FGF7: variants seen among roughly 807,000 people sequenced by gnomAD.
The protein encoded by FGF7 is FGF-7.
A neutral mutation model predicts 20.5 loss-of-function variants in FGF7; 6 were observed. The ratio of observed to expected loss-of-function variants is 0.29; its 90% CI spans 0.16 to 0.58. The LOEUF is 0.58. Among genes scored for constraint, FGF7 ranks in the 20% least tolerant of loss-of-function variants. The pLI, the probability that FGF7 is intolerant of heterozygous loss-of-function variation, is 0.90. For synonymous variants in FGF7, 64 were observed against 74.7 expected (o/e 0.86, Z 0.74); for missense variants, 144 against 228.8 (o/e 0.63, Z 2.39).
intron 2 of FGF7, among the ~76,000 whole-genome samples, chr15:49,471,972 G>C (rs1338037965): frequency 6.6e-6 from 1 of 151,590 alleles, no homozygotes; most frequent in Non-Finnish European, 1.5e-5. Context: ...GACAGCACAG[G>C]TGTTGTTTTC....
chr15:49,431,045 C>G (rs986885835), intron 2 of FGF7, among the ~76,000 whole-genome samples: 8 of 151,828 alleles, frequency 5.3e-5, no homozygotes, highest in African/African-American at 1.9e-4. Flanking sequence ...AGCACAATAA[C>G]TTCTCTAACA....
At position 49,424,314 on chromosome 15, in the gene FGF7, T is replaced by C. The variant is rs1270145021; in HGVS notation, c.17T>C (p.Leu6Pro). 2 of 1,613,472 alleles carry C rather than the reference T, an allele frequency of 1.2e-6. No homozygotes were observed. The highest frequency in any genetic ancestry group is 1.7e-4 in the Middle Eastern group (1 of 6,056). Residue 6 changes from leucine to proline, a missense_variant, in exon 2 of 4, where the codon CTG (leucine) becomes CCG (proline). By Grantham distance (98) the Leu-to-Pro change is moderately conservative (BLOSUM62 -3). Coordinates refer to ENST00000267843, the MANE Select transcript of FGF7 (RefSeq NM_002009.4). ...TACACTATAATGCACAAATGGATAC[T>C]GACATGGATCCTGCCAACTTTGCTC... Reference protein sequence around the residue: MHKWILTWILPTLLYR... With the variant: MHKWIPTWILPTLLYR...
chr15:49,482,768 G>C (rs1435474850), intron 2 of FGF7, among the ~76,000 whole-genome samples: 3 of 151,988 alleles, frequency 2.0e-5, no homozygotes, highest in Non-Finnish European at 4.4e-5. Context: ...CTGTGGTTAT[G>C]AGTAAATGAG....
intron 2 of FGF7, among the ~76,000 whole-genome samples, chr15:49,475,596 T>C (rs1259305414): frequency 7.1e-6 from 1 of 140,298 alleles, no homozygotes. Context: ...CTAACTTTAT[T>C]ATTTATTAAA....
At chr15:49,427,466 A>C (rs1292505588) in intron 2 of FGF7, among the ~76,000 whole-genome samples, 4 of 152,014 alleles carry the variant, frequency 2.6e-5, no homozygotes, top group Non-Finnish European at 5.9e-5. Flanking sequence ...TGATGCCTTA[A>C]ATTTTTTCAA....
chr15:49,444,324 A>G (rs2051972789), intron 2 of FGF7, among the ~76,000 whole-genome samples: 1 of 151,760 alleles, frequency 6.6e-6, no homozygotes. Flanking sequence ...TCAGTAAAAC[A>G]TGCTACTATG....
intron 2 of FGF7, among the ~76,000 whole-genome samples, chr15:49,464,260 A>G (rs964696959): frequency 2.0e-5 from 3 of 152,164 alleles, no homozygotes; most frequent in African/African-American, 7.2e-5. Flanking sequence ...TTTTTTGCCC[A>G]ACAATTTCTG....
intron 2 of FGF7, among the ~76,000 whole-genome samples, chr15:49,472,886 G>A (rs2054907030): frequency 6.7e-6 from 1 of 150,028 alleles, no homozygotes; most frequent in African/African-American, 2.4e-5. Flanking sequence ...ACAAATAAGA[G>A]AAAGGAGTAT....
intron 2 of FGF7, among the ~76,000 whole-genome samples, chr15:49,452,176 G>A (rs1411696081): frequency 1.3e-5 from 2 of 151,944 alleles, no homozygotes; most frequent in Non-Finnish European, 2.9e-5. Flanking sequence ...TGAGTATCTG[G>A]CACTACAGGT....
At chr15:49,474,057 A>G (rs1181922149) in intron 2 of FGF7, among the ~76,000 whole-genome samples, 1 of 152,174 alleles carries the variant, frequency 6.6e-6, no homozygotes, top group African/African-American at 2.4e-5. Flanking sequence ...TGATAGGCGA[A>G]CTTTTTATTA....
chr15:49,481,483 A>G (rs1490583867), intron 2 of FGF7, among the ~76,000 whole-genome samples: 1 of 152,242 alleles, frequency 6.6e-6, no homozygotes, highest in Non-Finnish European at 1.5e-5. Context: ...TAAGCCTAGC[A>G]TAGAATTGGC....
In FGF7 at chr15:49,424,321, G is replaced by C; in HGVS notation, c.24G>C (p.Trp8Cys). 1 of 1,613,488 alleles carries C rather than the reference G, an allele frequency of 6.2e-7. No individual in the cohort carries two copies. Among genetic ancestry groups the C allele is most frequent in the African/African-American group, 1.3e-5 (1 of 74,960 alleles). Residue 8 changes from tryptophan to cysteine, a missense_variant, in exon 2 of 4, where the codon TGG (tryptophan) becomes TGC (cysteine). Trp to Cys is a radical substitution (Grantham distance 215). Coordinates refer to ENST00000267843, the MANE Select transcript of FGF7 (RefSeq NM_002009.4). MHKWILT[W>C]ILPTLLYRSC... is the part of the protein sequence containing the mutation. ...TAATGCACAAATGGATACTGACATG[G>C]ATCCTGCCAACTTTGCTCTACAGAT...
intron 2 of FGF7, among the ~76,000 whole-genome samples, chr15:49,478,499 TCAA>T (rs1412750907): frequency 1.3e-5 from 2 of 152,132 alleles, no homozygotes; most frequent in Non-Finnish European, 2.9e-5. Flanking sequence ...GATTTCCCAC[TCAA>T]CAATCCAGGC....
Position 49,484,769 on chromosome 15 carries a change from T to A in FGF7, c.*265T>A. 3.4e-6 allele frequency: 1 copy of A among 295,516 alleles called. No individual in the cohort carries two copies. The highest frequency in any genetic ancestry group is 6.2e-6 in the Non-Finnish European group (1 of 161,856). The allele number at this position is 295,516 out of a possible 1,614,324, so 18.3% of individuals were successfully genotyped here. ...TGTAAAACTGGTTGTACAATCATGATGTTAGTAACAGTAATTTTTTTCTTA... is the reference window on the plus strand; with the variant it reads ...TGTAAAACTGGTTGTACAATCATGAAGTTAGTAACAGTAATTTTTTTCTTA... On this transcript the variant is annotated 3_prime_UTR_variant, in exon 4 of 4. Coordinates refer to ENST00000267843, the MANE Select transcript of FGF7 (RefSeq NM_002009.4).
intron 2 of FGF7, among the ~76,000 whole-genome samples, chr15:49,473,382 G>C (rs1314242836): frequency 1.3e-5 from 2 of 152,066 alleles, no homozygotes; most frequent in African/African-American, 2.4e-5. Context: ...TAAGTTATTA[G>C]AAGCATAAAA....
chr15:49,431,523 A>T (rs1368432213), intron 2 of FGF7, among the ~76,000 whole-genome samples: 1 of 151,736 alleles, frequency 6.6e-6, no homozygotes. Flanking sequence ...AGGCAACATC[A>T]TTCTCAGAGG....
Position 49,424,534 on chromosome 15 carries a change from C to T in FGF7, c.237C>T (p.Ile79=), listed in dbSNP as rs1462969318. 21 of 1,601,486 alleles carry T rather than the reference C, an allele frequency of 1.3e-5. No individual in the cohort carries two copies. Among genetic ancestry groups the T allele is most frequent in the African/African-American group, 8.1e-5 (6 of 74,394 alleles). The change falls in exon 2 of 4, where the codon ATC becomes ATT. Residue 79 remains isoleucine (I), a synonymous_variant. Coordinates refer to ENST00000267843, the MANE Select transcript of FGF7 (RefSeq NM_002009.4). ...LFCRTQWYLR[I]DKRGKVKGTQ... is the part of the protein sequence containing the mutation. Reference sequence around the variant, plus strand: ...GTCGAACACAGTGGTACCTGAGGATCGATAAAAGAGGCAAAGTAAAAGGGA... The same window carrying T: ...GTCGAACACAGTGGTACCTGAGGATTGATAAAAGAGGCAAAGTAAAAGGGA...
intron 2 of FGF7, among the ~76,000 whole-genome samples, chr15:49,473,217 C>G (rs1283626334): frequency 6.6e-6 from 1 of 152,044 alleles, no homozygotes; most frequent in African/African-American, 2.4e-5. Context: ...GATTTACTCA[C>G]AGTTTAGTTA....
At chr15:49,457,378 T>A (rs900623196) in intron 2 of FGF7, among the ~76,000 whole-genome samples, 2 of 152,030 alleles carry the variant, frequency 1.3e-5, no homozygotes, top group African/African-American at 4.8e-5. Flanking sequence ...TTATGAGAGA[T>A]AACTTTTTTA....
Sources: gnomAD v4.1 joint callset for allele counts (sites outside exome capture counted in the v4.1 genomes callset) on GRCh38, gnomAD v4.1.1 for gene constraint, MANE v1.5 for transcripts, NCBI Gene and HGNC (gene_info 2026-07-23, HGNC 2026-07-21) for gene names.